Variants in GLB1L2 observed in about 807,000 individuals in gnomAD.
GLB1L2 encodes galactosidase beta 1 like 2.
A neutral mutation model predicts 84.1 loss-of-function variants in GLB1L2; 68 were observed. The ratio of observed to expected loss-of-function variants is 0.81; its 90% CI spans 0.67 to 0.99. The LOEUF is 0.99. GLB1L2 is among the 50% of genes least tolerant of loss of function. The pLI is 0.00. For synonymous variants in GLB1L2, 290 were observed against 318.0 expected (o/e 0.91, Z 0.94); for missense variants, 762 against 805.6 (o/e 0.95, Z 0.66).
intron 1 of GLB1L2, among the ~76,000 whole-genome samples, chr11:134,332,881 A>G (rs374339447): frequency 5.9e-5 from 9 of 152,142 alleles, no homozygotes; most frequent in African/African-American, 2.2e-4. Flanking sequence ...AACTGTGCTT[A>G]TTTTAAGGAT....
intron 5 of GLB1L2, among the ~76,000 whole-genome samples, chr11:134,353,819 T>C (rs1325663498): frequency 6.6e-6 from 1 of 152,228 alleles, no homozygotes; most frequent in African/African-American, 2.4e-5. Flanking sequence ...GTTTTTGATA[T>C]AAAGTCTATT....
intron 1 of GLB1L2, 119 bp downstream of exon 1, chr11:134,332,266 G>T (rs1053507306): frequency 4.6e-6 from 3 of 658,408 alleles, no homozygotes; most frequent in Non-Finnish European, 7.5e-6. Flanking sequence ...AGCCCCAGCT[G>T]CTTCTTTCTG....
chr11:134,361,968 G>A (rs902469561), intron 7 of GLB1L2, among the ~76,000 whole-genome samples: 1 of 152,094 alleles, frequency 6.6e-6, no homozygotes, highest in Non-Finnish European at 1.5e-5. Flanking sequence ...GTGCTGCTGC[G>A]CATCCGGGGA....
chr11:134,366,525 G>A (rs1463570651), intron 8 of GLB1L2, among the ~76,000 whole-genome samples: 3 of 152,208 alleles, frequency 2.0e-5, no homozygotes, highest in African/African-American at 7.2e-5. Context: ...AAATACTAGC[G>A]TGTTAGTCTT....
chr11:134,349,497 G>GT (rs924670171), intron 5 of GLB1L2, among the ~76,000 whole-genome samples: 4 of 151,970 alleles, frequency 2.6e-5, no homozygotes, highest in African/African-American at 7.3e-5. Flanking sequence ...TCTACATTCA[G>GT]TTTTTTTTAG....
chr11:134,370,361 T>C lies in GLB1L2; in HGVS notation c.1177T>C (p.Tyr393His). 6.2e-7 allele frequency: 1 copy of C among 1,613,924 alleles called. No individual in the cohort carries two copies. Among genetic ancestry groups the C allele is most frequent in the Non-Finnish European group, 8.5e-7 (1 of 1,179,948 alleles). Residue 393 changes from tyrosine to histidine, a missense_variant, in exon 12 of 19, where the codon TAC (tyrosine) becomes CAC (histidine). Physicochemically the swap from Tyr to His is moderately conservative, Grantham distance 83. This residue lies in a region of GLB1L2 where 603 missense variants were observed against 611.7 expected (regional missense o/e 0.99). Coordinates refer to ENST00000535456, the MANE Select transcript of GLB1L2 (RefSeq NM_001370461.1). The surrounding 1 kb of genome is among the most constrained non-coding windows in gnomAD (Gnocchi z 4.7). ...GTATGAGCCCTTAACGCCAGTCTTG[T>C]ACCTGTCTCTGTGGGACGCCCTCAA... ...MPYEPLTPVL[Y>H]LSLWDALKYL...
intron 4 of GLB1L2, chr11:134,347,115 C>T: frequency 1.8e-6 from 1 of 541,926 alleles, no homozygotes; most frequent in East Asian, 2.9e-5. Context: ...AGGCTGTGTC[C>T]TTGGGGAGGG....
At chr11:134,354,640 C>CA (rs958185846) in intron 5 of GLB1L2, among the ~76,000 whole-genome samples, 8 of 150,162 alleles carry the variant, frequency 5.3e-5, no homozygotes, top group Admixed American at 2.0e-4. Context: ...ATAGAAGTGT[C>CA]AAAAAAAAAG....
rs1943350076 is a variant in GLB1L2 at position 134,334,383 on chromosome 11, GC to G, written c.86+2237del. ...TTGGGCTGGTTCACGGTCAGTCATA[GC>G]TGGTGGGTTACATCATATCAAAAGA... On this transcript the variant is annotated intron_variant, in intron 1 of 18. Coordinates refer to ENST00000535456, the MANE Select transcript of GLB1L2 (RefSeq NM_001370461.1). This position sits in a 1 kb window ranked among gnomAD's most constrained non-coding sequence, Gnocchi z 4.1. 6.6e-6 allele frequency among the ~76,000 whole-genome samples: 1 copy of G among 152,136 alleles called. No homozygotes were observed. The highest frequency in any genetic ancestry group is 2.4e-5 in the African/African-American group (1 of 41,400).
chr11:134,362,435 A>T (rs1472368665), intron 7 of GLB1L2, among the ~76,000 whole-genome samples: 5 of 152,154 alleles, frequency 3.3e-5, no homozygotes, highest in African/African-American at 9.7e-5. Flanking sequence ...CCAGCAGCTT[A>T]GGAAAGAGGC....
chr11:134,365,343 C>G (rs1943855362), intron 8 of GLB1L2, among the ~76,000 whole-genome samples: 1 of 152,212 alleles, frequency 6.6e-6, no homozygotes, highest in East Asian at 1.9e-4. Flanking sequence ...CAGGCGCGAT[C>G]CAGCTGGGTC....
chr11:134,369,890 C>G lies in GLB1L2; in HGVS notation c.1108+5C>G. Reference sequence around the variant, plus strand: ...ACTTCTTCGGCTCCATCTCAGGTACCCAGCAGACAGCAGACTCAAGTTCCA... The same window carrying G: ...ACTTCTTCGGCTCCATCTCAGGTACGCAGCAGACAGCAGACTCAAGTTCCA... On this transcript the variant is annotated splice_donor_5th_base_variant and intron_variant, in intron 11 of 18. Transcript: ENST00000535456. The G allele has an allele frequency of 6.2e-7, 1 of 1,612,730 alleles. No individual in the cohort carries two copies. Among genetic ancestry groups the G allele is most frequent in the African/African-American group, 1.3e-5 (1 of 75,016 alleles).
chr11:134,374,102 G>C (rs1591627020), intron 16 of GLB1L2, 43 bp from the exon 17 acceptor site: 1 of 1,433,100 alleles, frequency 7.0e-7, no homozygotes, highest in East Asian at 2.3e-5. Context: ...CTGGTGGATT[G>C]AGAAGGGCCT....
chr11:134,342,146 AC>A (rs1943472700), intron 1 of GLB1L2, among the ~76,000 whole-genome samples: 1 of 150,562 alleles, frequency 6.6e-6, no homozygotes, highest in African/African-American at 2.4e-5. Flanking sequence ...CCTGGGGCCG[AC>A]CCCGAGAGAT....
At chr11:134,359,247 G>A in intron 7 of GLB1L2, 106 bp downstream of exon 7, 1 of 737,238 alleles carries the variant, frequency 1.4e-6, no homozygotes, top group Non-Finnish European at 2.3e-6. Flanking sequence ...TCTGGTGCCT[G>A]TTATTCTCCC....
At chr11:134,352,915 T>C (rs1389737936) in intron 5 of GLB1L2, among the ~76,000 whole-genome samples, 1 of 152,168 alleles carries the variant, frequency 6.6e-6, no homozygotes. Flanking sequence ...CCCAAAGTGC[T>C]GGGATTACAG....
At chr11:134,373,186 C>T (rs2136290976) in intron 15 of GLB1L2, among the ~76,000 whole-genome samples, 1 of 152,358 alleles carries the variant, frequency 6.6e-6, no homozygotes, top group South Asian at 2.1e-4. Context: ...CTGAGACTGG[C>T]AGGGCTGGCC....
intron 1 of GLB1L2, 31 bp downstream of exon 1, chr11:134,332,178 G>A: frequency 7.0e-7 from 1 of 1,438,578 alleles, no homozygotes; most frequent in Non-Finnish European, 9.4e-7. Context: ...GCACCTGCCG[G>A]ACCCCACATT....
At position 134,342,947 on chromosome 11, in the gene GLB1L2, AC is replaced by A. The variant is rs1229131487; in HGVS notation, c.282del (p.Thr95ProfsTer28). 3 of 1,609,994 alleles carry A rather than the reference AC, an allele frequency of 1.9e-6. No individual in the cohort carries two copies. Among genetic ancestry groups the A allele is most frequent in the Non-Finnish European group, 2.5e-6 (3 of 1,177,366 alleles). On this transcript the variant is annotated frameshift_variant, in exon 2 of 19. Coordinates refer to ENST00000535456, the MANE Select transcript of GLB1L2 (RefSeq NM_001370461.1). LOFTEE classifies it high-confidence loss of function. The part of the protein sequence containing the change: ...KMKACGLNTL[T>X]TYVPWNLHEP... Reference sequence around the variant, plus strand: ...GAAGGCCTGTGGCTTGAACACCCTCACCACGTAGGTGCTGCCCCTGTCCCCC... The same window carrying A: ...GAAGGCCTGTGGCTTGAACACCCTCACACGTAGGTGCTGCCCCTGTCCCCC...
Sources: gnomAD v4.1 joint callset for allele counts (sites outside exome capture counted in the v4.1 genomes callset) on GRCh38, gnomAD v4.1.1 for gene constraint, gnomAD v4.1.1 regional missense constraint, Gnocchi (gnomAD v3.1) non-coding constraint, MANE v1.5 for transcripts, NCBI Gene and HGNC (gene_info 2026-07-23, HGNC 2026-07-21) for gene names.